ATXN7: variants seen among roughly 807,000 people sequenced by gnomAD.
ATXN7 encodes the protein ataxin-7.
A neutral mutation model predicts 70.5 loss-of-function variants in ATXN7; 12 were observed. The ratio of observed to expected loss-of-function variants is 0.17; its 90% CI spans 0.11 to 0.28. The LOEUF (loss-of-function observed/expected upper bound fraction) is 0.28. ATXN7 is among the 10% of genes least tolerant of loss of function. The probability of loss-of-function intolerance (pLI) is 1.00; values close to 1 mark genes in which losing one functional copy is unlikely to be tolerated. For synonymous variants in ATXN7, 498 were observed against 448.7 expected (o/e 1.11, Z -1.39); for missense variants, 1,256 against 1,131.7 (o/e 1.11, Z -1.58).
At position 63,952,835 on chromosome 3, in the gene ATXN7, C is replaced by CTTTTTTTTTTTTTT. The variant is rs59256288; in HGVS notation, c.499+370_499+383dup. Among the ~76,000 whole-genome samples, 21 of 49,160 alleles carry CTTTTTTTTTTTTTT rather than the reference C, an allele frequency of 4.3e-4. 5 individuals carry two copies. Among genetic ancestry groups the CTTTTTTTTTTTTTT allele is most frequent in the African/African-American group, 1.7e-3 (17 of 9,806 alleles). The allele number at this position is 49,160 out of a possible 152,430, so 32.3% of individuals were successfully genotyped here. A position where few individuals can be genotyped will look rare whatever the true frequency, so the allele number is the denominator to read the frequency against. ...ACACTCACAATATGGATGCATGGGCCTTTTTTTTTTTTTTTTTTTTTTTTT... is the reference window on the plus strand; with the variant it reads ...ACACTCACAATATGGATGCATGGGCCTTTTTTTTTTTTTTTTTTTTTTTTTTTTTTTTTTTTTTT... On this transcript the variant is annotated intron_variant, in intron 5 of 12. Coordinates refer to ENST00000674280, the MANE Select transcript of ATXN7 (RefSeq NM_001377405.1).
intron 1 of ATXN7, among the ~76,000 whole-genome samples, chr3:63,886,098 T>G (rs1703078537): frequency 1.3e-5 from 2 of 152,204 alleles, no homozygotes; most frequent in Admixed American, 6.5e-5. Flanking sequence ...ATCCTTTCAT[T>G]TTTGACAACA....
intron 5 of ATXN7, 136 bp from the exon 6 acceptor site, chr3:63,979,779 T>C: frequency 1.7e-6 from 2 of 1,193,234 alleles, no homozygotes; most frequent in Non-Finnish European, 2.3e-6. Flanking sequence ...ATTTCTGAAG[T>C]CTGCTGAGTT....
chr3:63,984,793 T>TC (rs2075547408), intron 8 of ATXN7, among the ~76,000 whole-genome samples: 1 of 152,234 alleles, frequency 6.6e-6, no homozygotes, highest in Admixed American at 6.5e-5. Context: ...TATTTCGCTC[T>TC]CCCTTCAGCC....
chr3:63,965,388 AC>A (rs2075202969), intron 5 of ATXN7, among the ~76,000 whole-genome samples: 1 of 152,050 alleles, frequency 6.6e-6, no homozygotes, highest in Non-Finnish European at 1.5e-5. Flanking sequence ...CTGAACCCAA[AC>A]CTTGAGTGTT....
chr3:63,981,026 C>A (rs1433681113), intron 6 of ATXN7, among the ~76,000 whole-genome samples: 1 of 152,202 alleles, frequency 6.6e-6, no homozygotes, highest in Non-Finnish European at 1.5e-5. Flanking sequence ...TCATGGCATC[C>A]CTCAGCCTGG....
Position 63,900,750 on chromosome 3 carries a change from T to G in ATXN7, c.-12+2253T>G, listed in dbSNP as rs1439590761. 3.3e-5 allele frequency: 5 copies of G among 152,428 alleles called. No homozygotes were observed. In the East Asian group the frequency reaches 9.6e-4, roughly 29 times the overall value. The allele number at this position is 152,428 out of a possible 1,614,324, so 9.4% of individuals were successfully genotyped here. A position where few individuals can be genotyped will look rare whatever the true frequency, so the allele number is the denominator to read the frequency against. ...GAAAAGGAGAAGAATAGGAGGTGAT[T>G]TACATGGACTGCAGTGATGACCTAA... On this transcript the variant is annotated intron_variant, in intron 2 of 12. Transcript: ENST00000674280.
chr3:63,973,159 C>T (rs1286048293), intron 5 of ATXN7, among the ~76,000 whole-genome samples: 3 of 152,192 alleles, frequency 2.0e-5, no homozygotes, highest in Non-Finnish European at 4.4e-5. Context: ...AGGATATGAA[C>T]CCACATATCC....
intron 5 of ATXN7, among the ~76,000 whole-genome samples, chr3:63,958,802 C>A (rs1297302455): frequency 1.3e-5 from 2 of 152,100 alleles, no homozygotes; most frequent in African/African-American, 4.8e-5. Flanking sequence ...AGATTTTATG[C>A]TTAGTTTACA....
At chr3:63,882,881 A>G (rs1322782571) in intron 1 of ATXN7, among the ~76,000 whole-genome samples, 2 of 152,208 alleles carry the variant, frequency 1.3e-5, no homozygotes, top group Non-Finnish European at 2.9e-5. Context: ...GATGAAATGC[A>G]TAATATGAAC....
chr3:63,915,777 G>T (rs1221118715), intron 4 of ATXN7, among the ~76,000 whole-genome samples: 1 of 151,774 alleles, frequency 6.6e-6, no homozygotes, highest in Admixed American at 6.6e-5. Context: ...TGCTTCCTGG[G>T]TTCAAGCGAT....
chr3:63,925,376 G>C (rs1704675207), intron 4 of ATXN7, among the ~76,000 whole-genome samples: 1 of 152,200 alleles, frequency 6.6e-6, no homozygotes, highest in Non-Finnish European at 1.5e-5. Context: ...ACAGCAGGAG[G>C]TAAGTGGGGG....
chr3:63,922,953 T>C lies in ATXN7; in HGVS notation c.394+9728T>C, dbSNP rs73834139. 5.5e-3 allele frequency among the ~76,000 whole-genome samples: 839 copies of C among 152,272 alleles called. 6 individuals are homozygous for C. The highest frequency in any genetic ancestry group is 0.019 in the African/African-American group (800 of 41,542). On this transcript the variant is annotated intron_variant, in intron 4 of 12. Coordinates refer to ENST00000674280, the MANE Select transcript of ATXN7 (RefSeq NM_001377405.1). ...TATTTTCAGTTACAGGATTTGGACT[T>C]AGGGCAAATCACACTCGATCAAGGA...
At chr3:63,943,187 A>G (rs2074799200) in intron 4 of ATXN7, among the ~76,000 whole-genome samples, 1 of 152,222 alleles carries the variant, frequency 6.6e-6, no homozygotes, top group South Asian at 2.1e-4. Flanking sequence ...AAAGCATTCC[A>G]TACAGAGGGA....
chr3:63,899,774 C>T (rs1010100022), intron 2 of ATXN7, among the ~76,000 whole-genome samples: 2 of 152,096 alleles, frequency 1.3e-5, no homozygotes, highest in African/African-American at 4.8e-5. Context: ...CCGCCACGCC[C>T]GGCTAATTTT....
At chr3:63,924,974 A>G (rs1704659683) in intron 4 of ATXN7, among the ~76,000 whole-genome samples, 1 of 152,198 alleles carries the variant, frequency 6.6e-6, no homozygotes, top group Admixed American at 6.5e-5. Context: ...CACATGTGAA[A>G]AGAATTGATA....
chr3:63,963,206 A>T (rs2075161348), intron 5 of ATXN7, among the ~76,000 whole-genome samples: 1 of 152,124 alleles, frequency 6.6e-6, no homozygotes, highest in African/African-American at 2.4e-5. Flanking sequence ...GTGAACCACC[A>T]CACTCGGCCA....
chr3:63,926,698 G>T (rs920951443), intron 4 of ATXN7, among the ~76,000 whole-genome samples: 5 of 151,984 alleles, frequency 3.3e-5, no homozygotes, highest in Non-Finnish European at 7.4e-5. Context: ...TCCCACTGAC[G>T]GGCTACTGCT....
intron 8 of ATXN7, among the ~76,000 whole-genome samples, chr3:63,987,606 C>T (rs2075598431): frequency 6.6e-6 from 1 of 152,158 alleles, no homozygotes; most frequent in Non-Finnish European, 1.5e-5. Context: ...ACTAAAAGAA[C>T]ACTTTCTGAT....
In ATXN7 at chr3:63,988,205, G is replaced by T. The variant is rs190142927; in HGVS notation, c.1242G>T (p.Pro414=). ...SQQPPQPLRD[P]HPAPPRTSQE... ...AACCACCGCAGCCTCTCAGGGACCC[G>T]CATCCCGCCCCTCCTAGAACGTCAC... is the stretch of plus-strand genomic sequence containing the variant. The change falls in exon 9 of 13, where the codon CCG becomes CCT. Residue 414 remains proline (P), a synonymous_variant. Transcript: ENST00000674280. The T allele has an allele frequency of 1.2e-6, 2 of 1,613,874 alleles. No individual in the cohort carries two copies. The highest frequency in any genetic ancestry group is 1.7e-6 in the Non-Finnish European group (2 of 1,179,944).
Sources: gnomAD v4.1 joint callset for allele counts (sites outside exome capture counted in the v4.1 genomes callset) on GRCh38, gnomAD v4.1.1 for gene constraint, MANE v1.5 for transcripts, NCBI Gene and HGNC (gene_info 2026-07-23, HGNC 2026-07-21) for gene names.